The following MMP14 variants were observed in gnomAD, a reference collection of about 807,000 sequenced individuals.
MMP14 encodes matrix metalloproteinase-14.
A neutral mutation model predicts 64.8 loss-of-function variants in MMP14; 13 were observed. The ratio of observed to expected loss-of-function variants is 0.20; its 90% CI spans 0.13 to 0.32. The LOEUF (loss-of-function observed/expected upper bound fraction) is 0.32, where lower values mean the gene tolerates loss of function less well. Ranked by LOEUF, MMP14 falls within the 10% of genes least tolerant of loss-of-function variation. The pLI, the probability that MMP14 is intolerant of heterozygous loss-of-function variation, is 1.00. For missense variants in MMP14, 594 were observed against 783.8 expected (o/e 0.76, Z 2.89); for synonymous variants, 322 against 315.9 (o/e 1.02, Z -0.20).
At position 22,843,732 on chromosome 14, in the gene MMP14, C is replaced by A. The variant is rs750284561; in HGVS notation, c.873C>A (p.Thr291=). ...QLYGGESGFP[T]KMPPQPRTTS... Reference sequence around the variant, plus strand: ...CAGGGGGTGAGTCAGGGTTCCCCACCAAGATGCCCCCTCAACCCAGGACTA... The same window carrying A: ...CAGGGGGTGAGTCAGGGTTCCCCACAAAGATGCCCCCTCAACCCAGGACTA... The change falls in exon 6 of 10, where the codon ACC becomes ACA. Residue 291 remains threonine, a synonymous_variant. Transcript: ENST00000311852. This position sits in a 1 kb window ranked among gnomAD's most constrained non-coding sequence, Gnocchi z 4.8. 1.1e-5 allele frequency: 17 copies of A among 1,592,276 alleles called. No individual in the cohort carries two copies. The highest frequency in any genetic ancestry group is 1.4e-5 in the Non-Finnish European group (17 of 1,174,336).
rs1236469221 is a variant in MMP14, at chr14:22,836,835, A to AC, written c.25dup (p.Arg9ProfsTer73). On this transcript the variant is annotated frameshift_variant, in exon 1 of 10. Coordinates refer to ENST00000311852, the MANE Select transcript of MMP14 (RefSeq NM_004995.4). LOFTEE classifies it high-confidence loss of function. ...CTCGGACCATGTCTCCCGCCCCAAGACCCCCCCGTTGTCTCCTGCTCCCCC... is the reference window on the plus strand; with the variant it reads ...CTCGGACCATGTCTCCCGCCCCAAGACCCCCCCCGTTGTCTCCTGCTCCCCC... The AC allele has an allele frequency of 1.2e-6, 2 of 1,609,018 alleles. No homozygotes were observed. The highest frequency in any genetic ancestry group is 1.1e-5 in the South Asian group (1 of 90,492).
rs771312941 is a variant in MMP14, at chr14:22,846,495, C to T, written c.*456C>T. ...CAGCCCTGAAAGCCCCAGGTGTACC[C>T]AATTGGCAGCCTCTCACTACTCTTT... On this transcript the variant is annotated 3_prime_UTR_variant, in exon 10 of 10. Coordinates refer to ENST00000311852, the MANE Select transcript of MMP14 (RefSeq NM_004995.4). 8.5e-5 allele frequency: 14 copies of T among 164,772 alleles called. No individual in the cohort carries two copies. The highest frequency in any genetic ancestry group is 1.6e-4 in the Non-Finnish European group (12 of 76,658). 10.2% of individuals were successfully genotyped at this position (164,772 alleles called of 1,614,324 possible).
intron 8 of MMP14, among the ~76,000 whole-genome samples, chr14:22,845,035 C>A (rs758553120): frequency 6.6e-6 from 1 of 152,176 alleles, no homozygotes; most frequent in Non-Finnish European, 1.5e-5. Flanking sequence ...AGCAGCCAGG[C>A]ACTGTCATTA....
rs1254762753 is a variant in MMP14 at position 22,837,315 on chromosome 14, C to T, written c.108+390C>T. On this transcript the variant is annotated intron_variant, in intron 1 of 9. Transcript: ENST00000311852. ...CGCGCTGTCCCGGCTCCTCGTCATG[C>T]GCGAGAGTTTGTTGTTTCTTCGACT... The T allele has an allele frequency of 6.4e-6, 3 of 467,734 alleles. No homozygotes were observed. In the Admixed American group the frequency reaches 7.0e-5, roughly 11 times the overall value. The allele number at this position is 467,734 out of a possible 1,614,324, so 29.0% of individuals were successfully genotyped here. A position where few individuals can be genotyped will look rare whatever the true frequency, so the allele number is the denominator to read the frequency against.
chr14:22,844,899 G>A, intron 8 of MMP14, 119 bp downstream of exon 8: 1 of 1,389,358 alleles, frequency 7.2e-7, no homozygotes, highest in South Asian at 1.3e-5. Flanking sequence ...GAAGGAGCTG[G>A]CTGAGCCTCT....
chr14:22,838,794 TC>T (rs2039752717), intron 1 of MMP14, among the ~76,000 whole-genome samples: 2 of 151,748 alleles, frequency 1.3e-5, no homozygotes, highest in South Asian at 4.2e-4. Context: ...GACACAAGAG[TC>T]CTCTCTTCTG....
chr14:22,836,971 G>C, intron 1 of MMP14, 46 bp downstream of exon 1: 1 of 1,497,366 alleles, frequency 6.7e-7, no homozygotes, highest in Non-Finnish European at 9.2e-7. Context: ...CCGCCGGGAG[G>C]CGAGCCCGGG....
chr14:22,837,057 C>A, intron 1 of MMP14, 132 bp downstream of exon 1: 1 of 738,816 alleles, frequency 1.4e-6, no homozygotes, highest in Non-Finnish European at 2.4e-6. Flanking sequence ...CAGGATTCCC[C>A]CTCCCTTTCT....
chr14:22,837,102 C>T (rs1390558785), intron 1 of MMP14, 177 bp downstream of exon 1: 26 of 697,718 alleles, frequency 3.7e-5, no homozygotes, highest in Middle Eastern at 2.4e-4. Flanking sequence ...CAGATCGATC[C>T]AACTTTTGCC....
At position 22,841,627 on chromosome 14, in the gene MMP14, C is replaced by G. The variant is rs772653852; in HGVS notation, c.245C>G (p.Ala82Gly). 7.4e-6 allele frequency: 12 copies of G among 1,613,844 alleles called. No homozygotes were observed. The highest frequency in any genetic ancestry group is 1.0e-5 in the Non-Finnish European group (12 of 1,179,992). ...YGLQVTGKAD[A>G]DTMKAMRRPR... ...TTGCAAGTAACAGGCAAAGCTGATG[C>G]AGACACCATGAAGTAAGTGCTAGAC... Residue 82 changes from alanine (A) to glycine (G), a missense_variant, in exon 2 of 10, where the codon GCA (alanine) becomes GGA (glycine). Ala to Gly is a moderately conservative substitution (Grantham distance 60). Coordinates refer to ENST00000311852, the MANE Select transcript of MMP14 (RefSeq NM_004995.4).
chr14:22,845,415 A>C, intron 9 of MMP14, 49 bp downstream of exon 9: 3 of 1,372,608 alleles, frequency 2.2e-6, no homozygotes, highest in Middle Eastern at 3.7e-4. Flanking sequence ...GGGAATAGGG[A>C]GTTGAGGAAG....
chr14:22,841,549 G>A lies in MMP14; in HGVS notation c.167G>A (p.Arg56His), dbSNP rs772894872. The change falls in exon 2 of 10, where the codon CGC becomes CAC. Residue 56 changes from arginine to histidine, a missense_variant. Transcript: ENST00000311852. ...GGGGACCTACGTACCCACACACAGC[G>A]CTCACCCCAGTCACTCTCAGCGGCC... The part of the protein sequence containing the change: ...PPGDLRTHTQ[R>H]SPQSLSAAIA... 12 of 1,613,932 alleles carry A rather than the reference G, an allele frequency of 7.4e-6. No homozygotes were observed. Among genetic ancestry groups the A allele is most frequent in the South Asian group, 1.1e-5 (1 of 91,084 alleles).
intron 1 of MMP14, 89 bp downstream of exon 1, chr14:22,837,014 G>T: frequency 2.0e-6 from 2 of 1,014,484 alleles, no homozygotes; most frequent in Non-Finnish European, 1.5e-6. Context: ...ATTCGGAGAG[G>T]AGGGCTTTTG....
chr14:22,838,805 G>A (rs2039752853), intron 1 of MMP14, among the ~76,000 whole-genome samples: 1 of 152,164 alleles, frequency 6.6e-6, no homozygotes, highest in Non-Finnish European at 1.5e-5. Context: ...CCTCTCTTCT[G>A]TGGTTTCGAC....
At chr14:22,840,294 A>G (rs1256430709) in intron 1 of MMP14, among the ~76,000 whole-genome samples, 3 of 152,160 alleles carry the variant, frequency 2.0e-5, no homozygotes, top group Non-Finnish European at 4.4e-5. Flanking sequence ...AGGCTTTAAG[A>G]AAATACTCCA....
Position 22,842,240 on chromosome 14 carries a change from G to T in MMP14, c.381-170G>T. 9.9e-7 allele frequency: 1 copy of T among 1,007,396 alleles called. No homozygotes were observed. The highest frequency in any genetic ancestry group is 1.4e-6 in the Non-Finnish European group (1 of 692,512). The allele number at this position is 1,007,396 out of a possible 1,614,324, so 62.4% of individuals were successfully genotyped here. ...CCAGTGCCAGAGAGCCAGAGCCTGA[G>T]GATCCCTTGTTCTTGAGACAGAGGC... is the stretch of plus-strand genomic sequence containing the variant. On this transcript the variant is annotated intron_variant, in intron 3 of 9. Coordinates refer to ENST00000311852, the MANE Select transcript of MMP14 (RefSeq NM_004995.4). The surrounding 1 kb of genome is among the most constrained non-coding windows in gnomAD (Gnocchi z 5.3).
At position 22,841,622 on chromosome 14, in the gene MMP14, T is replaced by C. The variant is rs755614453; in HGVS notation, c.240T>C (p.Ala80=). 2 of 1,614,046 alleles carry C rather than the reference T, an allele frequency of 1.2e-6. No individual in the cohort carries two copies. The highest frequency in any genetic ancestry group is 1.7e-5 in the Admixed American group (1 of 59,998). The change falls in exon 2 of 10, where the codon GCT becomes GCC. Residue 80 remains alanine, a synonymous_variant. Coordinates refer to ENST00000311852, the MANE Select transcript of MMP14 (RefSeq NM_004995.4). ...ACGGCTTGCAAGTAACAGGCAAAGC[T>C]GATGCAGACACCATGAAGTAAGTGC... ...KFYGLQVTGK[A]DADTMKAMRR... is the part of the protein sequence containing the mutation.
intron 6 of MMP14, 72 bp from the exon 7 acceptor site, chr14:22,844,299 A>T (rs1036123505): frequency 1.3e-6 from 2 of 1,586,628 alleles, no homozygotes; most frequent in African/African-American, 2.7e-5. Context: ...GCAGTGCGGG[A>T]GCTTTGGGGA....
chr14:22,841,401 G>A, intron 1 of MMP14, 90 bp from the exon 2 acceptor site: 1 of 1,540,902 alleles, frequency 6.5e-7, no homozygotes, highest in Non-Finnish European at 8.8e-7. Flanking sequence ...TCCTTGCCAA[G>A]CCAAGGCTGT....
Sources: gnomAD v4.1 joint callset for allele counts (sites outside exome capture counted in the v4.1 genomes callset) on GRCh38, gnomAD v4.1.1 for gene constraint, Gnocchi (gnomAD v3.1) non-coding constraint, MANE v1.5 for transcripts, NCBI Gene and HGNC (gene_info 2026-07-23, HGNC 2026-07-21) for gene names.